Variants in PHF3 observed in about 807,000 individuals in gnomAD.
PHF3 encodes PHD finger protein 3.
A neutral mutation model predicts 178.4 loss-of-function variants in PHF3; 41 were observed. The observed-to-expected ratio is 0.23, with a 90% confidence interval of 0.18 to 0.30. PHF3 has a LOEUF of 0.30. Ranked by LOEUF, PHF3 falls within the 10% of genes least tolerant of loss-of-function variation. PHF3 has a pLI of 1.00. For synonymous variants in PHF3, 842 were observed against 800.5 expected (o/e 1.05, Z -0.88); for missense variants, 2,346 against 2,398.1 (o/e 0.98, Z 0.45).
intron 2 of PHF3, among the ~76,000 whole-genome samples, chr6:63,650,523 G>T (rs1205511472): frequency 2.0e-5 from 3 of 152,148 alleles, no homozygotes; most frequent in Non-Finnish European, 4.4e-5. Flanking sequence ...TTGTTCGATA[G>T]AATTTTTACT....
At chr6:63,645,921 G>C (rs959153460) in intron 1 of PHF3, among the ~76,000 whole-genome samples, 11 of 152,032 alleles carry the variant, frequency 7.2e-5, no homozygotes, top group African/African-American at 2.7e-4. Flanking sequence ...GTGTGTGTGT[G>C]TAGTCTTTTA....
At position 63,720,890 on chromosome 6, in the gene PHF3, T is replaced by C. The variant is rs1220161055; in HGVS notation, c.*7182T>C. 1 of 1,550,764 alleles carries C rather than the reference T, an allele frequency of 6.4e-7. No homozygotes were observed. Among genetic ancestry groups the C allele is most frequent in the African/African-American group, 1.4e-5 (1 of 73,038 alleles). ...TAAGAGTCTGATTTTGAATTACAAC[T>C]ACATGGTGCCATTTATTACAACAGA... On this transcript the variant is annotated 3_prime_UTR_variant, in exon 16 of 16. Coordinates refer to ENST00000262043, the MANE Select transcript of PHF3 (RefSeq NM_001370348.2).
In PHF3 at chr6:63,717,594, T is replaced by G. The variant is rs1453246623; in HGVS notation, c.*3886T>G. Among the ~76,000 whole-genome samples, 1 of 152,030 alleles carries G rather than the reference T, an allele frequency of 6.6e-6. No individual in the cohort carries two copies. Among genetic ancestry groups the G allele is most frequent in the Non-Finnish European group, 1.5e-5 (1 of 67,966 alleles). ...CAGTAGCAAGAAGTCCTTTGAAAAC[T>G]TGAGTTCACCATGTCAAGTTTCATC... On this transcript the variant is annotated 3_prime_UTR_variant, in exon 16 of 16. Coordinates refer to ENST00000262043, the MANE Select transcript of PHF3 (RefSeq NM_001370348.2).
Position 63,684,446 on chromosome 6 carries a change from A to T in PHF3, c.724A>T (p.Asn242Tyr). Reference protein sequence around the residue: ...DGLDSKHKCNNPGEIDVPSHE... With the variant: ...DGLDSKHKCNYPGEIDVPSHE... ...ATTAGATTCTAAGCATAAGTGTAAT[A>T]ATCCGGGAGAAATAGATGTGCCATC... Residue 242 changes from asparagine to tyrosine, a missense_variant, in exon 4 of 16, where the codon AAT becomes TAT. By Grantham distance (143) the Asn-to-Tyr change is moderately radical. This residue lies in a region of PHF3 where 843 missense variants were observed against 795.2 expected (regional missense o/e 1.06). Coordinates refer to ENST00000262043, the MANE Select transcript of PHF3 (RefSeq NM_001370348.2). The T allele has an allele frequency of 6.2e-7, 1 of 1,614,006 alleles. No individual in the cohort carries two copies. The highest frequency in any genetic ancestry group is 8.5e-7 in the Non-Finnish European group (1 of 1,179,876).
At position 63,684,517 on chromosome 6, in the gene PHF3, T is replaced by C. The variant is rs1766587883; in HGVS notation, c.795T>C (p.Ile265=). ...CSLLSETCVT[I]GEKKNEALME... is the part of the protein sequence containing the mutation. ...TTCTTTCAGAGACTTGTGTTACTAT[T>C]GGAGAAAAGAAAAATGAAGCTTTGA... is the stretch of plus-strand genomic sequence containing the variant. The change falls in exon 4 of 16, where the codon ATT becomes ATC. Residue 265 remains isoleucine, a synonymous_variant. Transcript: ENST00000262043. 6.2e-7 allele frequency: 1 copy of C among 1,613,326 alleles called. No individual in the cohort carries two copies. Among genetic ancestry groups the C allele is most frequent in the South Asian group, 1.1e-5 (1 of 90,888 alleles).
chr6:63,657,026 A>G (rs528394146), intron 2 of PHF3, among the ~76,000 whole-genome samples: 196 of 152,068 alleles, frequency 1.3e-3, no homozygotes, highest in Non-Finnish European at 2.1e-3. Flanking sequence ...GGCCTTTTCA[A>G]TTTGGAGTGT....
chr6:63,651,914 G>A (rs999471141), intron 2 of PHF3, among the ~76,000 whole-genome samples: 3 of 152,086 alleles, frequency 2.0e-5, no homozygotes, highest in African/African-American at 4.8e-5. Context: ...ATTCCATTGT[G>A]TATATATATA....
rs1311488654 is a variant in PHF3, at chr6:63,713,588, A to G, written c.6000A>G (p.Lys2000=). The stretch of plus-strand genomic sequence containing the variant: ...TAGACAAGAAGCCAGATAAACCTAA[A>G]AGTGAAGACTATGAGAAGGACAAAG... ...RNVDKKPDKP[K]SEDYEKDKER... Residue 2000 remains lysine (K), a synonymous_variant, in exon 16 of 16, where the codon AAA becomes AAG. Coordinates refer to ENST00000262043, the MANE Select transcript of PHF3 (RefSeq NM_001370348.2). 6.2e-7 allele frequency: 1 copy of G among 1,613,724 alleles called. No individual in the cohort carries two copies. Among genetic ancestry groups the G allele is most frequent in the South Asian group, 1.1e-5 (1 of 91,066 alleles).
rs144904237 is a variant in PHF3, at chr6:63,684,986, G to A, written c.1264G>A (p.Glu422Lys). Residue 422 changes from glutamate (E) to lysine (K), a missense_variant, in exon 4 of 16, where the codon GAG becomes AAG. Transcript: ENST00000262043. Reference sequence around the variant, plus strand: ...CACTGAGTTTAATAAATCAAACTTAGAGGTGGTTGATACTAGTACTTTTGG... The same window carrying A: ...CACTGAGTTTAATAAATCAAACTTAAAGGTGGTTGATACTAGTACTTTTGG... ...ESTEFNKSNL[E>K]VVDTSTFGPE... is the part of the protein sequence containing the mutation. 6.2e-7 allele frequency: 1 copy of A among 1,614,068 alleles called. No individual in the cohort carries two copies. Among genetic ancestry groups the A allele is most frequent in the Non-Finnish European group, 8.5e-7 (1 of 1,179,968 alleles).
At chr6:63,687,120 T>C (rs1766745766) in intron 4 of PHF3, among the ~76,000 whole-genome samples, 1 of 152,268 alleles carries the variant, frequency 6.6e-6, no homozygotes, top group South Asian at 2.1e-4. Flanking sequence ...GGTTTTTTTA[T>C]TTAAAACACC....
chr6:63,720,593 A>C lies in PHF3; in HGVS notation c.*6885A>C, dbSNP rs1036250451. The C allele has an allele frequency of 6.8e-7, 1 of 1,460,720 alleles. No homozygotes were observed. Among genetic ancestry groups the C allele is most frequent in the Middle Eastern group, 1.8e-4 (1 of 5,488 alleles). 90.5% of individuals were successfully genotyped at this position (1,460,720 alleles called of 1,614,324 possible). On this transcript the variant is annotated 3_prime_UTR_variant, in exon 16 of 16. Coordinates refer to ENST00000262043, the MANE Select transcript of PHF3 (RefSeq NM_001370348.2). ...AGTGTGTACTAAAATCTCTAGTGTT[A>C]ACTTATGTAACCTCATTTTGTTCAT... is the stretch of plus-strand genomic sequence containing the variant.
rs997134922 is a variant in PHF3 at position 63,711,779 on chromosome 6, C to G, written c.4191C>G (p.Asp1397Glu). ...STEEAPEEENDFFNSFTTVLH... is the reference protein window; with the variant it reads ...STEEAPEEENEFFNSFTTVLH... ...AAGAAGCACCAGAGGAAGAAAATGACTTTTTTAATTCTTTTACAACTGTAT... is the reference window on the plus strand; with the variant it reads ...AAGAAGCACCAGAGGAAGAAAATGAGTTTTTTAATTCTTTTACAACTGTAT... Residue 1397 changes from aspartate (D) to glutamate (E), a missense_variant, in exon 16 of 16, where the codon GAC becomes GAG. By Grantham distance (45) the Asp-to-Glu change is conservative (BLOSUM62 2). This residue lies in a region of PHF3 where 839 missense variants were observed against 806.9 expected (regional missense o/e 1.04). Coordinates refer to ENST00000262043, the MANE Select transcript of PHF3 (RefSeq NM_001370348.2). 4.3e-6 allele frequency: 7 copies of G among 1,612,848 alleles called. No homozygotes were observed. The highest frequency in any genetic ancestry group is 5.1e-6 in the Non-Finnish European group (6 of 1,179,678).
At position 63,721,227 on chromosome 6, in the gene PHF3, T is replaced by G; in HGVS notation, c.*7519T>G. ...CCAACCCAAAGTACACAGGCAACTG[T>G]AAGAAAATGATTGGTCAGGTATACA... On this transcript the variant is annotated 3_prime_UTR_variant, in exon 16 of 16. Coordinates refer to ENST00000262043, the MANE Select transcript of PHF3 (RefSeq NM_001370348.2). The G allele has an allele frequency of 6.4e-7, 1 of 1,551,766 alleles. No homozygotes were observed. The highest frequency in any genetic ancestry group is 8.7e-7 in the Non-Finnish European group (1 of 1,146,934).
rs953578317 is a variant in PHF3, at chr6:63,716,134, A to G, written c.*2426A>G. On this transcript the variant is annotated 3_prime_UTR_variant, in exon 16 of 16. Transcript: ENST00000262043. ...AAGGCATCCCTGGTTTTGAGCACTTAGTATAAACATTGGTCAACTCAAAGG... is the reference window on the plus strand; with the variant it reads ...AAGGCATCCCTGGTTTTGAGCACTTGGTATAAACATTGGTCAACTCAAAGG... 6.6e-6 allele frequency among the ~76,000 whole-genome samples: 1 copy of G among 152,146 alleles called. No individual in the cohort carries two copies. The highest frequency in any genetic ancestry group is 1.5e-5 in the Non-Finnish European group (1 of 68,026).
At position 63,715,698 on chromosome 6, in the gene PHF3, G is replaced by A. The variant is rs896882354; in HGVS notation, c.*1990G>A. On this transcript the variant is annotated 3_prime_UTR_variant, in exon 16 of 16. Transcript: ENST00000262043. ...GCCCATATAGCTTTCTATTAGGGAT[G>A]AGCATCTCCAGGGGTTAGAGGCAGA... Among the ~76,000 whole-genome samples the A allele has an allele frequency of 3.3e-5, 5 of 152,214 alleles. No individual in the cohort carries two copies. Among genetic ancestry groups the A allele is most frequent in the Admixed American group, 1.3e-4 (2 of 15,262 alleles).
chr6:63,692,408 G>A (rs911004978), intron 5 of PHF3, among the ~76,000 whole-genome samples: 1 of 152,066 alleles, frequency 6.6e-6, no homozygotes, highest in African/African-American at 2.4e-5. Context: ...CCAGCCCTTT[G>A]ACCATTTGGC....
rs2149613788 is a variant in PHF3 at position 63,712,965 on chromosome 6, A to G, written c.5377A>G (p.Thr1793Ala). 5 of 1,614,044 alleles carry G rather than the reference A, an allele frequency of 3.1e-6. No individual in the cohort carries two copies. The highest frequency in any genetic ancestry group is 1.1e-5 in the South Asian group (1 of 91,086). ...TSRSTSPRTS[T>A]NFSPMRPQQP... ...CAGAAGCACCAGCCCCAGAACAAGT[A>G]CAAACTTTTCACCCATGAGGCCACA... The change falls in exon 16 of 16, where the codon ACA becomes GCA. Residue 1793 changes from threonine (T) to alanine (A), a missense_variant. By Grantham distance (58) the Thr-to-Ala change is moderately conservative. This residue lies in a region of PHF3 where 839 missense variants were observed against 806.9 expected (regional missense o/e 1.04). Coordinates refer to ENST00000262043, the MANE Select transcript of PHF3 (RefSeq NM_001370348.2).
Position 63,721,563 on chromosome 6 carries a change from A to G in PHF3, c.*7855A>G, listed in dbSNP as rs149686954. The G allele has an allele frequency of 3.2e-6, 5 of 1,551,760 alleles. No homozygotes were observed. The highest frequency in any genetic ancestry group is 1.7e-4 in the Middle Eastern group (1 of 5,998). On this transcript the variant is annotated 3_prime_UTR_variant, in exon 16 of 16. Coordinates refer to ENST00000262043, the MANE Select transcript of PHF3 (RefSeq NM_001370348.2). The stretch of plus-strand genomic sequence containing the variant: ...AAGATTTAAAGAAGATACTCCTCCA[A>G]TATAGAAGTCTGTATTTGTGTCCAG...
Position 63,676,739 on chromosome 6 carries a change from A to G in PHF3, c.245-3261A>G, listed in dbSNP as rs143968192. 6.1e-3 allele frequency among the ~76,000 whole-genome samples: 935 copies of G among 152,302 alleles called. 9 individuals are homozygous for G. The highest frequency in any genetic ancestry group is 0.021 in the African/African-American group (859 of 41,562). On this transcript the variant is annotated intron_variant, in intron 2 of 15. Transcript: ENST00000262043. ...GTTTTAGAGGATTTTGAACAGAAGAATATTAACGTGATCTGACTTAATATT... is the reference window on the plus strand; with the variant it reads ...GTTTTAGAGGATTTTGAACAGAAGAGTATTAACGTGATCTGACTTAATATT...
Sources: allele counts gnomAD v4.1 joint callset (sites outside exome capture counted in the v4.1 genomes callset), GRCh38; gene constraint gnomAD v4.1.1; regional missense constraint gnomAD v4.1.1; transcripts MANE v1.5; gene names NCBI Gene and HGNC (gene_info 2026-07-23, HGNC 2026-07-21).